Variants in CRHR1 observed in about 807,000 individuals in gnomAD.
CRHR1 encodes corticotropin releasing hormone receptor 1.
CRHR1 carries 28 observed loss-of-function variants against 56.0 expected under a neutral mutation model. That is an observed-to-expected ratio of 0.50 (90% CI 0.37 to 0.69). CRHR1 has a LOEUF of 0.69. CRHR1 is among the 30% of genes least tolerant of loss of function. CRHR1 has a pLI of 0.00. For missense variants in CRHR1, 376 were observed against 548.0 expected, an observed-to-expected ratio of 0.69 and a Z score of 3.13; for synonymous variants, 195 against 216.5, an observed-to-expected ratio of 0.90 and a Z score of 0.87.
chr17:45,814,127 G>A (rs2061879834), intron 2 of CRHR1, among the ~76,000 whole-genome samples: 1 of 152,274 alleles, frequency 6.6e-6, no homozygotes, highest in African/African-American at 2.4e-5. Flanking sequence ...GGGCCACACT[G>A]ATGGAGAGGG....
chr17:45,833,081 A>T (rs2062351865), intron 8 of CRHR1, 57 bp from the exon 9 acceptor site: 1 of 1,469,418 alleles, frequency 6.8e-7, no homozygotes, highest in East Asian at 2.3e-5. Context: ...GTCCCTCCCC[A>T]TGCCATCGAG....
chr17:45,811,834 A>C (rs556763917), intron 2 of CRHR1, among the ~76,000 whole-genome samples: 2 of 152,282 alleles, frequency 1.3e-5, no homozygotes, highest in South Asian at 4.2e-4. Context: ...GTTTTTCTCC[A>C]TAGTATTTCT....
chr17:45,794,673 C>T (rs2061486532), intron 1 of CRHR1, among the ~76,000 whole-genome samples: 1 of 152,246 alleles, frequency 6.6e-6, no homozygotes, highest in Admixed American at 6.5e-5. Context: ...CATCAATCTG[C>T]ACTTGGTGAC....
Position 45,835,162 on chromosome 17 carries a change from G to C in CRHR1, c.*398G>C, listed in dbSNP as rs1430872449. ...CTCGGCAACCGTGGGGAGGCCATTT[G>C]CTGCCCTGGGGCATCATGGGCAACT... is the stretch of plus-strand genomic sequence containing the variant. On this transcript the variant is annotated 3_prime_UTR_variant, in exon 13 of 13. Transcript: ENST00000314537. 4.8e-6 allele frequency: 1 copy of C among 209,262 alleles called. No homozygotes were observed. The highest frequency in any genetic ancestry group is 9.5e-6 in the Non-Finnish European group (1 of 104,942). The allele number at this position is 209,262 out of a possible 1,614,324, so 13.0% of individuals were successfully genotyped here.
chr17:45,820,759 G>T (rs2062022875), intron 3 of CRHR1, among the ~76,000 whole-genome samples: 1 of 152,088 alleles, frequency 6.6e-6, no homozygotes, highest in African/African-American at 2.4e-5. Flanking sequence ...ATGGGGAAGT[G>T]CCACCATGGG....
At chr17:45,795,930 C>T (rs1422020154) in intron 1 of CRHR1, among the ~76,000 whole-genome samples, 4 of 152,196 alleles carry the variant, frequency 2.6e-5, no homozygotes, top group Non-Finnish European at 5.9e-5. Context: ...TTAAACTGAC[C>T]TTTGGCCTTA....
intron 3 of CRHR1, among the ~76,000 whole-genome samples, chr17:45,816,968 A>G (rs879289512): frequency 6.6e-6 from 1 of 152,178 alleles, no homozygotes. Flanking sequence ...CAGGGCAGGA[A>G]TCATCAGAGC....
At chr17:45,805,707 G>A (rs760464110) in intron 1 of CRHR1, among the ~76,000 whole-genome samples, 4 of 152,046 alleles carry the variant, frequency 2.6e-5, no homozygotes, top group South Asian at 2.1e-4. Flanking sequence ...GCTGGTGGCC[G>A]GGCACCCAGC....
rs774998390 is a variant in CRHR1, at chr17:45,807,037, G to C, written c.61G>C (p.Val21Leu). The change falls in exon 2 of 13, where the codon GTC (valine) becomes CTC (leucine). Residue 21 changes from valine to leucine, a missense_variant. Around this residue, in one of 2 missense-constraint regions of CRHR1, gnomAD observed 369 missense variants for 519.5 expected, o/e 0.71. Transcript: ENST00000314537. Reference protein sequence around the residue: ...KALLLLGLNPVSASLQDQHCE... With the variant: ...KALLLLGLNPLSASLQDQHCE... ...CCTTCTCCTTCTGGGGCTGAACCCC[G>C]TCTCTGCCTCCCTCCAGGACCAGCA... 29 of 1,613,834 alleles carry C rather than the reference G, an allele frequency of 1.8e-5. No homozygotes were observed. In the African/African-American group the frequency reaches 3.3e-4, roughly 19 times the overall value.
At chr17:45,797,971 T>C (rs35131568) in intron 1 of CRHR1, among the ~76,000 whole-genome samples, 23,740 of 151,792 alleles carry the variant, frequency 0.16, 2,832 homozygotes, top group African/African-American at 0.34. Flanking sequence ...CTCTAGCACA[T>C]CCTTCTGGAG....
rs1295608279 is a variant in CRHR1 at position 45,834,835 on chromosome 17, C to T, written c.*71C>T. 6.3e-7 allele frequency: 1 copy of T among 1,598,674 alleles called. No homozygotes were observed. The highest frequency in any genetic ancestry group is 8.5e-7 in the Non-Finnish European group (1 of 1,171,928). ...ATGACGGCCAGGCTCCCTGACCACC[C>T]TGCCTGTGGAGGTGACCTGTTAGGT... On this transcript the variant is annotated 3_prime_UTR_variant, in exon 13 of 13. Coordinates refer to ENST00000314537, the MANE Select transcript of CRHR1 (RefSeq NM_004382.5).
intron 3 of CRHR1, among the ~76,000 whole-genome samples, chr17:45,819,389 G>C (rs1160268185): frequency 2.0e-5 from 3 of 152,130 alleles, no homozygotes; most frequent in African/African-American, 4.8e-5. Context: ...CTGGGTCCAG[G>C]GGCCACGCTC....
rs567042039 is a variant in CRHR1, at chr17:45,795,323, G to A, written c.33+10746G>A. Among the ~76,000 whole-genome samples, 20 of 152,158 alleles carry A rather than the reference G, an allele frequency of 1.3e-4. 3 individuals are homozygous for A. Among genetic ancestry groups the A allele is most frequent in the East Asian group, 3.9e-4 (2 of 5,182 alleles). ...TACAGCCACCTTCCTCCCCTGCCCC[G>A]CCCCCATAATGGGCAGGCAGGCAAG... On this transcript the variant is annotated intron_variant, in intron 1 of 12. Transcript: ENST00000314537.
intron 3 of CRHR1, among the ~76,000 whole-genome samples, chr17:45,818,676 C>A (rs1293706157): frequency 3.3e-5 from 5 of 152,158 alleles, no homozygotes; most frequent in Admixed American, 3.3e-4. Flanking sequence ...CCTCCAGCGC[C>A]AGATGAGGTG....
At chr17:45,833,693 T>TGGGGGGGGGCCCC in intron 10 of CRHR1, 21 bp from the exon 11 acceptor site, 5 of 1,571,584 alleles carry the variant, frequency 3.2e-6, no homozygotes, top group Non-Finnish European at 3.5e-6. Flanking sequence ...ACTCCGAGCC[T>TGGGGGGGGGCCCC]CCCCACCCGC....
chr17:45,797,313 C>T (rs1004211661), intron 1 of CRHR1, among the ~76,000 whole-genome samples: 34 of 104,390 alleles, frequency 3.3e-4, no homozygotes, highest in South Asian at 3.2e-4. Context: ...TTTTTTGAGA[C>T]GGAGTCTCGC....
intron 5 of CRHR1, among the ~76,000 whole-genome samples, chr17:45,829,834 C>T (rs1181678488): frequency 6.6e-6 from 1 of 152,092 alleles, no homozygotes; most frequent in Non-Finnish European, 1.5e-5. Context: ...AGGAATCCAG[C>T]TGCCCTGGTC....
intron 1 of CRHR1, among the ~76,000 whole-genome samples, chr17:45,796,258 T>C (rs1480388789): frequency 1.3e-5 from 2 of 152,178 alleles, no homozygotes; most frequent in Non-Finnish European, 1.5e-5. Context: ...TGGGAGCCAC[T>C]CACAGCTAAC....
intron 12 of CRHR1, among the ~76,000 whole-genome samples, chr17:45,834,379 G>A (rs1017763765): frequency 1.3e-5 from 2 of 152,228 alleles, no homozygotes; most frequent in Non-Finnish European, 2.9e-5. Context: ...CATGGCAAAG[G>A]GCATATGGTG....
Sources: allele counts gnomAD v4.1 joint callset (sites outside exome capture counted in the v4.1 genomes callset), GRCh38; gene constraint gnomAD v4.1.1; regional missense constraint gnomAD v4.1.1; transcripts MANE v1.5; gene names NCBI Gene and HGNC (gene_info 2026-07-23, HGNC 2026-07-21).